GPHN: variants seen among roughly 807,000 people sequenced by gnomAD.
GPHN encodes gephyrin.
In GPHN, 17 loss-of-function variants were observed where a neutral mutation model predicts 95.5. The observed-to-expected ratio is 0.18, with a 90% CI of 0.12 to 0.27. The LOEUF is 0.27. Ranked by LOEUF, GPHN falls within the 10% of genes least tolerant of loss-of-function variation. The pLI is 1.00. For missense variants in GPHN, 660 were observed against 978.1 expected (o/e 0.67, Z 4.34); for synonymous variants, 320 against 322.5 (o/e 0.99, Z 0.08).
the GPHN span, chr14:67,573,268 C>T: frequency 1.3e-6 from 2 of 1,577,246 alleles, no homozygotes; most frequent in Admixed American, 1.7e-5. This position sits in a 1 kb window ranked among gnomAD's most constrained non-coding sequence, Gnocchi z 4.8. Flanking sequence ...CACCCTTCCA[C>T]CCCTCAGGAG....
In GPHN at chr14:67,169,044, T is replaced by G. The variant is rs777175319; in HGVS notation, c.2079+8T>G. 9 of 1,584,394 alleles carry G rather than the reference T, an allele frequency of 5.7e-6. No homozygotes were observed. The South Asian group carries it at 9.9e-5, about 17-fold the overall frequency. ...ACCATCATCAAAGCAAGGGTAATGCTTTCTAATGACCAGAAACCAAAATGG... is the reference window on the plus strand; with the variant it reads ...ACCATCATCAAAGCAAGGGTAATGCGTTCTAATGACCAGAAACCAAAATGG... On this transcript the variant is annotated splice_region_variant and intron_variant, in intron 21 of 22. Transcript: ENST00000478722.
the GPHN span, among the ~76,000 whole-genome samples, chr14:67,662,760 C>T: frequency 6.6e-6 from 1 of 151,914 alleles, no homozygotes; most frequent in Non-Finnish European, 1.5e-5. Flanking sequence ...AAAAATTAGC[C>T]GGGCGTGGTG....
At chr14:67,270,340 G>T in the GPHN span, 1 of 152,218 alleles carries the variant, frequency 6.6e-6, no homozygotes, top group Non-Finnish European at 1.5e-5. Flanking sequence ...ACTATGTAAA[G>T]ATTTTTGTAT....
chr14:67,356,668 C>G, the GPHN span, among the ~76,000 whole-genome samples: 1 of 152,156 alleles, frequency 6.6e-6, no homozygotes, highest in Non-Finnish European at 1.5e-5. Flanking sequence ...ATTCCACTGA[C>G]TTTCCCAATG....
intron 3 of GPHN, among the ~76,000 whole-genome samples, chr14:66,797,089 GT>G (rs1429927658): frequency 7.4e-6 from 1 of 135,196 alleles, no homozygotes; most frequent in Admixed American, 7.7e-5. Context: ...TGAAGAAAGA[GT>G]TTTTTTCCAG....
the GPHN span, chr14:67,692,157 C>T: frequency 3.1e-6 from 1 of 327,284 alleles, no homozygotes; most frequent in African/African-American, 2.2e-5. Flanking sequence ...ATTTAGACCC[C>T]AGACCCTAAA....
In GPHN at chr14:67,094,158, G is replaced by A. The variant is rs1055183065; in HGVS notation, c.1237+5083G>A. On this transcript the variant is annotated intron_variant, in intron 12 of 22. Transcript: ENST00000478722. ...ACTATGGCTGGAAAATGAAAATGAA[G>A]GATAATTCCATGGCAGATGATTTGA... Among the ~76,000 whole-genome samples, 4 of 152,132 alleles carry A rather than the reference G, an allele frequency of 2.6e-5. No individual in the cohort carries two copies. In the South Asian group the frequency reaches 6.2e-4, roughly 24 times the overall value.
At chr14:66,563,072 A>G (rs1397053342) in intron 1 of GPHN, among the ~76,000 whole-genome samples, 2 of 152,012 alleles carry the variant, frequency 1.3e-5, no homozygotes, top group Admixed American at 6.6e-5. Context: ...CTATGCATTT[A>G]AAATTCATTT....
At position 67,144,243 on chromosome 14, in the gene GPHN, A is replaced by T. The variant is rs1344493818; in HGVS notation, c.1836+794A>T. On this transcript the variant is annotated intron_variant, in intron 18 of 22. Transcript: ENST00000478722. Reference sequence around the variant, plus strand: ...CACAGCAAGACCCTGTCTTAAAAAAAAAAAAAAATATATATATATATATAT... The same window carrying T: ...CACAGCAAGACCCTGTCTTAAAAAATAAAAAAAATATATATATATATATAT... 4.2e-3 allele frequency among the ~76,000 whole-genome samples: 274 copies of T among 66,016 alleles called. 33 individuals are homozygous for T. The African/African-American group carries it at 0.044, about 11-fold the overall frequency. The allele number at this position is 66,016 out of a possible 152,430, so 43.3% of individuals were successfully genotyped here. A position where few individuals can be genotyped will look rare whatever the true frequency, so the allele number is the denominator to read the frequency against.
At chr14:67,585,773 G>T in the GPHN span, 15 of 988,494 alleles carry the variant, frequency 1.5e-5, no homozygotes, top group Non-Finnish European at 2.3e-5. Flanking sequence ...CCCCACTCCT[G>T]CCCAAGCACC....
the GPHN span, among the ~76,000 whole-genome samples, chr14:67,535,370 C>CTTT: frequency 0.011 from 806 of 74,240 alleles, 158 homozygotes; most frequent in African/African-American, 0.024. Context: ...GTGAGCACAT[C>CTTT]TTTTTTTTTT....
chr14:66,544,325 C>T (rs1327086840), intron 1 of GPHN, among the ~76,000 whole-genome samples: 1 of 152,210 alleles, frequency 6.6e-6, no homozygotes, highest in Non-Finnish European at 1.5e-5. Flanking sequence ...CTATATACTC[C>T]TAATCCTCTT....
chr14:66,996,150 GT>G, intron 9 of GPHN: 1 of 1,508,248 alleles, frequency 6.6e-7, no homozygotes, highest in Non-Finnish European at 8.9e-7. Flanking sequence ...CTTTAACAGT[GT>G]TTTCTTTTCC....
chr14:66,885,007 A>G (rs1258792747), intron 5 of GPHN, among the ~76,000 whole-genome samples: 1 of 151,898 alleles, frequency 6.6e-6, no homozygotes, highest in Non-Finnish European at 1.5e-5. Flanking sequence ...TTTGCTGCCA[A>G]AAATGGTTTT....
chr14:67,349,350 T>C, the GPHN span, among the ~76,000 whole-genome samples: 1 of 152,188 alleles, frequency 6.6e-6, no homozygotes, highest in Non-Finnish European at 1.5e-5. Flanking sequence ...GATTTTAAAG[T>C]TCGTGGATTG....
intron 1 of GPHN, among the ~76,000 whole-genome samples, chr14:66,646,685 C>G (rs1286178235): frequency 6.6e-6 from 1 of 151,950 alleles, no homozygotes; most frequent in Non-Finnish European, 1.5e-5. Flanking sequence ...TTGTCAAATT[C>G]ATAAAAACAG....
chr14:67,440,110 A>G, the GPHN span, among the ~76,000 whole-genome samples: 1 of 152,220 alleles, frequency 6.6e-6, no homozygotes, highest in Non-Finnish European at 1.5e-5. Context: ...TGCTGGGATT[A>G]CAGGCGTGAG....
chr14:66,629,750 A>G (rs925526484), intron 1 of GPHN, among the ~76,000 whole-genome samples: 1 of 152,178 alleles, frequency 6.6e-6, no homozygotes, highest in Non-Finnish European at 1.5e-5. Context: ...ACTATTTGAT[A>G]GGAATTTTTC....
chr14:67,387,861 TAA>T, the GPHN span, among the ~76,000 whole-genome samples: 1 of 152,234 alleles, frequency 6.6e-6, no homozygotes, highest in African/African-American at 2.4e-5. Context: ...AAGATGGGAA[TAA>T]TATCTTCTTA....
Sources: allele counts gnomAD v4.1 joint callset (sites outside exome capture counted in the v4.1 genomes callset), GRCh38; gene constraint gnomAD v4.1.1; non-coding constraint Gnocchi (gnomAD v3.1); transcripts MANE v1.5; gene names NCBI Gene and HGNC (gene_info 2026-07-23, HGNC 2026-07-21).